BCL9L: variants seen among roughly 807,000 people sequenced by gnomAD.
BCL9L encodes B-cell CLL/lymphoma 9-like protein.
In BCL9L, 19 loss-of-function variants were observed where a neutral mutation model predicts 99.4. That is an observed-to-expected ratio of 0.19 (90% CI 0.13 to 0.28). BCL9L has a LOEUF of 0.28. Ranked by LOEUF, BCL9L falls within the 10% of genes least tolerant of loss-of-function variation. The pLI is 1.00. For missense variants in BCL9L, 2,023 were observed against 2,101.6 expected (o/e 0.96, Z 0.73); for synonymous variants, 900 against 854.8 (o/e 1.05, Z -0.92).
rs1940481347 is a variant in BCL9L at position 118,905,592 on chromosome 11, GTA to G, written c.532+1889_532+1890del. ...AGCACTTTGGGGGGCTGAGGCAGGT[GTA>G]TCACCTGAGGTCAGGAGTTCAGGAC... On this transcript the variant is annotated intron_variant, in intron 5 of 9. Coordinates refer to ENST00000683865, the MANE Select transcript of BCL9L (RefSeq NM_001378213.1). 1.3e-5 allele frequency among the ~76,000 whole-genome samples: 2 copies of G among 148,638 alleles called. 1 individual carries two copies. The highest frequency in any genetic ancestry group is 4.3e-4 in the South Asian group (2 of 4,644).
chr11:118,903,142 C>CA lies in BCL9L; in HGVS notation c.750-69dup. ...GAGGGAGCCCCACCCTCACCCACCC[C>CA]ACCCTGCCCCTGCACGGGGCTCCCT... On this transcript the variant is annotated intron_variant, in intron 6 of 9. Transcript: ENST00000683865. The surrounding 1 kb of genome is among the most constrained non-coding windows in gnomAD (Gnocchi z 5.6). The CA allele has an allele frequency of 1.3e-6, 2 of 1,546,960 alleles. No homozygotes were observed. Among genetic ancestry groups the CA allele is most frequent in the East Asian group, 2.4e-5 (1 of 42,182 alleles).
intron 2 of BCL9L, among the ~76,000 whole-genome samples, 193 bp downstream of exon 2, chr11:118,918,633 C>T (rs1296873665): frequency 2.0e-5 from 3 of 151,792 alleles, no homozygotes; most frequent in Non-Finnish European, 4.4e-5. Context: ...AGCCTGTTTG[C>T]CCACCAGGAG....
intron 3 of BCL9L, 92 bp from the exon 4 acceptor site, chr11:118,908,747 A>C (rs2137723421): frequency 3.4e-4 from 333 of 967,338 alleles, no homozygotes; most frequent in East Asian, 5.7e-4. Flanking sequence ...TCCCCTAACA[A>C]TGGGGGAGGG....
intron 5 of BCL9L, 126 bp downstream of exon 5, chr11:118,907,357 A>G: frequency 6.7e-7 from 1 of 1,488,690 alleles, no homozygotes; most frequent in Non-Finnish European, 9.2e-7. Flanking sequence ...ACAGAGTCTG[A>G]GAGGTAGGAT....
Position 118,914,691 on chromosome 11 carries a change from A to T in BCL9L, c.-77+4135T>A, listed in dbSNP as rs1940911990. ...CCCTCAGGCAAGAAAGGCTTAGGGG[A>T]TTGTGAGAGCAGTGACAGGCAGGGT... On this transcript the variant is annotated intron_variant, in intron 2 of 9. Coordinates refer to ENST00000683865, the MANE Select transcript of BCL9L (RefSeq NM_001378213.1). The surrounding 1 kb of genome is among the most constrained non-coding windows in gnomAD (Gnocchi z 4.4). Among the ~76,000 whole-genome samples the T allele has an allele frequency of 6.6e-6, 1 of 152,124 alleles. No homozygotes were observed. Among genetic ancestry groups the T allele is most frequent in the African/African-American group, 2.4e-5 (1 of 41,406 alleles).
At position 118,909,941 on chromosome 11, in the gene BCL9L, G is replaced by C. The variant is rs148768749; in HGVS notation, c.-2C>G. On this transcript the variant is annotated 5_prime_UTR_variant, in exon 3 of 10. Coordinates refer to ENST00000683865, the MANE Select transcript of BCL9L (RefSeq NM_001378213.1). ...TGTCTTGTTAGCCAGGATCCTCATG[G>C]CTCCCACACACAGTGGGGCTACGGC... 836 of 1,614,028 alleles carry C rather than the reference G, an allele frequency of 5.2e-4. 2 individuals carry two copies. The highest frequency in any genetic ancestry group is 4.5e-4 in the Non-Finnish European group (527 of 1,179,948).
chr11:118,900,418 G>A lies in BCL9L; in HGVS notation c.3124+201C>T, dbSNP rs951101532. Among the ~76,000 whole-genome samples, 4 of 152,040 alleles carry A rather than the reference G, an allele frequency of 2.6e-5. No individual in the cohort carries two copies. Among genetic ancestry groups the A allele is most frequent in the African/African-American group, 2.4e-5 (1 of 41,396 alleles). On this transcript the variant is annotated intron_variant, in intron 8 of 9. Transcript: ENST00000683865. This position sits in a 1 kb window ranked among gnomAD's most constrained non-coding sequence, Gnocchi z 5.3. The stretch of plus-strand genomic sequence containing the variant: ...GGGGAAGATCCCAGGCCCCAAGTAC[G>A]ATCACTCAAAATGCCTGGGAGACTC...
In BCL9L at chr11:118,901,495, T is replaced by C. The variant is rs761409976; in HGVS notation, c.2248A>G (p.Ser750Gly). The change falls in exon 8 of 10, where the codon AGC (serine) becomes GGC (glycine). Residue 750 changes from serine (S) to glycine (G), a missense_variant. Physicochemically the swap from Ser to Gly is moderately conservative, Grantham distance 56. Around this residue, in one of 3 missense-constraint regions of BCL9L, gnomAD observed 1,116 missense variants for 1,194.6 expected, o/e 0.93. Transcript: ENST00000683865. This position sits in a 1 kb window ranked among gnomAD's most constrained non-coding sequence, Gnocchi z 6.6. ...MEFGGGRGLL[S>G]PPMGQSGLRE... Reference sequence around the variant, plus strand: ...AGCCCAGACTGCCCCATGGGAGGGCTCAGGAGGCCCCGGCCTCCACCAAAC... The same window carrying C: ...AGCCCAGACTGCCCCATGGGAGGGCCCAGGAGGCCCCGGCCTCCACCAAAC... The C allele has an allele frequency of 6.2e-7, 1 of 1,614,052 alleles. No individual in the cohort carries two copies. Among genetic ancestry groups the C allele is most frequent in the Non-Finnish European group, 8.5e-7 (1 of 1,180,002 alleles).
intron 4 of BCL9L, 30 bp from the exon 5 acceptor site, chr11:118,907,632 G>A (rs1194435092): frequency 6.2e-7 from 1 of 1,605,904 alleles, no homozygotes; most frequent in Non-Finnish European, 8.5e-7. Flanking sequence ...GAAAGAGTGA[G>A]TGCCTAGAGG....
chr11:118,916,150 C>T (rs1249690991), intron 2 of BCL9L, among the ~76,000 whole-genome samples: 1 of 152,190 alleles, frequency 6.6e-6, no homozygotes, highest in Non-Finnish European at 1.5e-5. Flanking sequence ...CCTGAGCCCT[C>T]ATCCCCCAGG....
chr11:118,908,101 A>C (rs1403791026), intron 4 of BCL9L, among the ~76,000 whole-genome samples, 169 bp downstream of exon 4: 1 of 152,222 alleles, frequency 6.6e-6, no homozygotes, highest in Non-Finnish European at 1.5e-5. Flanking sequence ...GCCAACCCCA[A>C]TCCCGAATGA....
rs984562090 is a variant in BCL9L, at chr11:118,914,356, C to T, written c.-76-4341G>A. On this transcript the variant is annotated intron_variant, in intron 2 of 9. Coordinates refer to ENST00000683865, the MANE Select transcript of BCL9L (RefSeq NM_001378213.1). This position sits in a 1 kb window ranked among gnomAD's most constrained non-coding sequence, Gnocchi z 4.4. Reference sequence around the variant, plus strand: ...AGCAGACTGCTGGCACAGCCAAGCGCACCACGGTGGGACCTCACCCAGCGC... The same window carrying T: ...AGCAGACTGCTGGCACAGCCAAGCGTACCACGGTGGGACCTCACCCAGCGC... 1.1e-4 allele frequency among the ~76,000 whole-genome samples: 17 copies of T among 152,158 alleles called. No homozygotes were observed. The highest frequency in any genetic ancestry group is 1.5e-4 in the Non-Finnish European group (10 of 68,018).
Position 118,900,109 on chromosome 11 carries a change from T to A in BCL9L, c.3214A>T (p.Thr1072Ser). 6.2e-7 allele frequency: 1 copy of A among 1,613,230 alleles called. No individual in the cohort carries two copies. The highest frequency in any genetic ancestry group is 8.5e-7 in the Non-Finnish European group (1 of 1,179,720). The change falls in exon 9 of 10, where the codon ACT (threonine) becomes TCT (serine). Residue 1072 changes from threonine to serine, a missense_variant. Coordinates refer to ENST00000683865, the MANE Select transcript of BCL9L (RefSeq NM_001378213.1). The surrounding 1 kb of genome is among the most constrained non-coding windows in gnomAD (Gnocchi z 5.3). ...GAAGGTGTGGGGTCTGGGGAGGAAG[T>A]GAATGGTAGGCTGGGGTTCATGAGG... Reference protein sequence around the residue: ...SGLMNPSLPFTSSPDPTPSQN... With the variant: ...SGLMNPSLPFSSSPDPTPSQN...
At position 118,898,060 on chromosome 11, in the gene BCL9L, C is replaced by A. The variant is rs952296673; in HGVS notation, c.*355G>T. On this transcript the variant is annotated 3_prime_UTR_variant, in exon 10 of 10. Coordinates refer to ENST00000683865, the MANE Select transcript of BCL9L (RefSeq NM_001378213.1). ...ACCTGACCTGTCCTTCCTCTCTCCCCCCAGATTCCCATCCAGGACTCCAAA... is the reference window on the plus strand; with the variant it reads ...ACCTGACCTGTCCTTCCTCTCTCCCACCAGATTCCCATCCAGGACTCCAAA... 1.8e-5 allele frequency: 8 copies of A among 442,400 alleles called. No individual in the cohort carries two copies. In the East Asian group the frequency reaches 1.9e-4, roughly 11 times the overall value. The allele number at this position is 442,400 out of a possible 1,614,324, so 27.4% of individuals were successfully genotyped here. A position where few individuals can be genotyped will look rare whatever the true frequency, so the allele number is the denominator to read the frequency against.
chr11:118,915,603 C>T (rs1400741176), intron 2 of BCL9L, among the ~76,000 whole-genome samples: 2 of 152,110 alleles, frequency 1.3e-5, no homozygotes, highest in African/African-American at 2.4e-5. Context: ...GGGTGGCTGT[C>T]CACTCTCTTA....
At position 118,901,125 on chromosome 11, in the gene BCL9L, T is replaced by C. The variant is rs764846769; in HGVS notation, c.2618A>G (p.Asp873Gly). The C allele has an allele frequency of 4.9e-5, 79 of 1,612,912 alleles. No homozygotes were observed. The highest frequency in any genetic ancestry group is 6.4e-5 in the Non-Finnish European group (76 of 1,179,334). ...GTTGCTCATGGGCATTGAGCTCTGA[T>C]CAGGGCTGAACATGTCTTGGGTATT... ...MGNTQDMFSPDQSSMPMSNVG... is the reference protein window; with the variant it reads ...MGNTQDMFSPGQSSMPMSNVG... Residue 873 changes from aspartate to glycine, a missense_variant, in exon 8 of 10, where the codon GAT (aspartate) becomes GGT (glycine). By Grantham distance (94) the Asp-to-Gly change is moderately conservative. Transcript: ENST00000683865. This position sits in a 1 kb window ranked among gnomAD's most constrained non-coding sequence, Gnocchi z 6.6.
At chr11:118,909,426 T>C (rs1179132832) in intron 3 of BCL9L, among the ~76,000 whole-genome samples, 3 of 152,096 alleles carry the variant, frequency 2.0e-5, no homozygotes, top group Non-Finnish European at 4.4e-5. Context: ...GGAGAGGATA[T>C]TTATCCCCCC....
chr11:118,919,981 TG>T (rs1461548163), intron 1 of BCL9L, among the ~76,000 whole-genome samples: 1 of 152,138 alleles, frequency 6.6e-6, no homozygotes, highest in East Asian at 1.9e-4. Flanking sequence ...TGTACCAACC[TG>T]TACCCCTCCC....
chr11:118,903,480 C>T lies in BCL9L; in HGVS notation c.533-28G>A. On this transcript the variant is annotated intron_variant, in intron 5 of 9. Transcript: ENST00000683865. This position sits in a 1 kb window ranked among gnomAD's most constrained non-coding sequence, Gnocchi z 5.6. ...GCAGGAGAGAGGACAGGGAAAGGGG[C>T]TAAGTGGTCTAGATACAAGAAGGAC... 6.2e-7 allele frequency: 1 copy of T among 1,608,202 alleles called. No homozygotes were observed. Among genetic ancestry groups the T allele is most frequent in the Non-Finnish European group, 8.5e-7 (1 of 1,176,134 alleles).
Sources: allele counts gnomAD v4.1 joint callset (sites outside exome capture counted in the v4.1 genomes callset), GRCh38; gene constraint gnomAD v4.1.1; regional missense constraint gnomAD v4.1.1; non-coding constraint Gnocchi (gnomAD v3.1); transcripts MANE v1.5; gene names NCBI Gene and HGNC (gene_info 2026-07-23, HGNC 2026-07-21).